CREB5: variants seen among roughly 807,000 people sequenced by gnomAD.
CREB5 encodes cyclic AMP-responsive element-binding protein 5.
CREB5 carries 19 observed loss-of-function variants against 57.1 expected under a neutral mutation model. That is an observed-to-expected ratio of 0.33 (90% CI 0.23 to 0.49). The LOEUF is 0.49. Ranked by LOEUF, CREB5 falls within the 20% of genes least tolerant of loss-of-function variation. The probability of loss-of-function intolerance (pLI) is 0.99; values close to 1 mark genes in which losing one functional copy is unlikely to be tolerated. For synonymous variants in CREB5, 238 were observed against 238.3 expected (o/e 1.00, Z 0.01); for missense variants, 579 against 671.6 (o/e 0.86, Z 1.52).
rs1426861428 is a variant in CREB5 at position 28,526,008 on chromosome 7, G to C, written c.291+18271G>C. 3.9e-5 allele frequency among the ~76,000 whole-genome samples: 6 copies of C among 152,192 alleles called. No individual in the cohort carries two copies. In the South Asian group the frequency reaches 6.2e-4, roughly 16 times the overall value. On this transcript the variant is annotated intron_variant, in intron 4 of 10. Transcript: ENST00000357727. ...GTATATCCAAGAATCAGAGACTGCT[G>C]AGATTTCAGCGCCAAATCTGGGATG...
rs1412335268 is a variant in CREB5, at chr7:28,581,218, C to T, written c.464+10681C>T. ...TTTCCCAATGTGTTTAACCTTCTTG[C>T]ACACAAACTCCAGATTCCAGATTTT... On this transcript the variant is annotated intron_variant, in intron 5 of 10. Coordinates refer to ENST00000357727, the MANE Select transcript of CREB5 (RefSeq NM_182898.4). Among the ~76,000 whole-genome samples the T allele has an allele frequency of 2.6e-5, 4 of 152,208 alleles. 1 individual carries two copies. The South Asian group carries it at 6.2e-4, about 24-fold the overall frequency.
intron 5 of CREB5, among the ~76,000 whole-genome samples, chr7:28,663,163 C>T (rs1035236398): frequency 1.3e-5 from 2 of 150,820 alleles, no homozygotes; most frequent in African/African-American, 4.9e-5. Context: ...AAAGAAAGAT[C>T]GAAATGTTCC....
intron 5 of CREB5, among the ~76,000 whole-genome samples, chr7:28,626,355 T>A (rs983750994): frequency 2.6e-5 from 4 of 152,192 alleles, no homozygotes; most frequent in Non-Finnish European, 4.4e-5. Flanking sequence ...TAATACTCAT[T>A]GACTGCTGGC....
chr7:28,767,650 C>T (rs974384061), intron 7 of CREB5, among the ~76,000 whole-genome samples: 4 of 152,272 alleles, frequency 2.6e-5, no homozygotes, highest in Middle Eastern at 3.4e-3. Context: ...CACTGCAAAT[C>T]GGCACACACC....
chr7:28,412,949 A>G, intron 1 of CREB5, 32 bp downstream of exon 1: 1 of 1,403,630 alleles, frequency 7.1e-7, no homozygotes, highest in Non-Finnish European at 9.4e-7. Context: ...CATATTAAAC[A>G]GAGAGAAAAC....
intron 1 of CREB5, among the ~76,000 whole-genome samples, chr7:28,328,486 T>G (rs1785652139): frequency 6.6e-6 from 1 of 152,200 alleles, no homozygotes; most frequent in African/African-American, 2.4e-5. Flanking sequence ...CTGTGTATTT[T>G]TAAGGTGTGG....
At chr7:28,696,139 C>G (rs577434306) in intron 5 of CREB5, among the ~76,000 whole-genome samples, 3 of 152,200 alleles carry the variant, frequency 2.0e-5, no homozygotes, top group Non-Finnish European at 4.4e-5. Flanking sequence ...ACCCAGGTGC[C>G]GTACCATTCG....
intron 7 of CREB5, among the ~76,000 whole-genome samples, chr7:28,801,951 G>A (rs1244022703): frequency 6.6e-6 from 1 of 151,728 alleles, no homozygotes; most frequent in African/African-American, 2.4e-5. Context: ...TGGGCATGGT[G>A]GCACACGCCT....
chr7:28,618,419 T>C (rs1006501614), intron 5 of CREB5, among the ~76,000 whole-genome samples: 7 of 151,444 alleles, frequency 4.6e-5, no homozygotes, highest in Non-Finnish European at 1.0e-4. Flanking sequence ...GTTTCATCTA[T>C]TTTTTTTTAA....
In CREB5 at chr7:28,619,497, A is replaced by C. The variant is rs182200590; in HGVS notation, c.464+48960A>C. Among the ~76,000 whole-genome samples, 26 of 152,314 alleles carry C rather than the reference A, an allele frequency of 1.7e-4. 2 individuals are homozygous for C. Among genetic ancestry groups the C allele is most frequent in the African/African-American group, 6.3e-4 (26 of 41,574 alleles). On this transcript the variant is annotated intron_variant, in intron 5 of 10. Coordinates refer to ENST00000357727, the MANE Select transcript of CREB5 (RefSeq NM_182898.4). ...CCTGTTTATTTTTCCGTCATTCTAC[A>C]CTGAGACAGGCACCATCCTCTTCAG...
At chr7:28,440,666 T>A (rs1789149061) in intron 1 of CREB5, among the ~76,000 whole-genome samples, 1 of 152,204 alleles carries the variant, frequency 6.6e-6, no homozygotes, top group Non-Finnish European at 1.5e-5. Flanking sequence ...TAGGCCTTCA[T>A]ATGATGGGGC....
chr7:28,385,649 C>T (rs1414208680), intron 1 of CREB5, among the ~76,000 whole-genome samples: 2 of 151,172 alleles, frequency 1.3e-5, no homozygotes, highest in Non-Finnish European at 2.9e-5. Flanking sequence ...TACACTCCAG[C>T]CTGTGTGACA....
intron 1 of CREB5, among the ~76,000 whole-genome samples, chr7:28,353,715 C>A (rs903906199): frequency 6.6e-6 from 1 of 151,724 alleles, no homozygotes; most frequent in African/African-American, 2.4e-5. Context: ...TGGTGGCAGG[C>A]GCCTGTAGTC....
intron 5 of CREB5, among the ~76,000 whole-genome samples, chr7:28,587,400 A>G (rs916630131): frequency 6.6e-6 from 1 of 152,078 alleles, no homozygotes; most frequent in Non-Finnish European, 1.5e-5. Context: ...GCTCAGCCTC[A>G]CCTCACCATT....
intron 5 of CREB5, among the ~76,000 whole-genome samples, chr7:28,714,513 G>C (rs1583598902): frequency 6.6e-6 from 1 of 152,288 alleles, no homozygotes; most frequent in Non-Finnish European, 1.5e-5. Flanking sequence ...CTGAGGATAG[G>C]CTTGCCCAAG....
chr7:28,819,306 G>T lies in CREB5; in HGVS notation c.*27G>T. ...ATGCACCATCAGACCTGGCCTCCAA[G>T]AAGAGCTGTAGCGTACCATGCGTCC... is the stretch of plus-strand genomic sequence containing the variant. On this transcript the variant is annotated 3_prime_UTR_variant, in exon 11 of 11. Coordinates refer to ENST00000357727, the MANE Select transcript of CREB5 (RefSeq NM_182898.4). 6.2e-7 allele frequency: 1 copy of T among 1,607,952 alleles called. No individual in the cohort carries two copies. Among genetic ancestry groups the T allele is most frequent in the Non-Finnish European group, 8.5e-7 (1 of 1,176,982 alleles).
At chr7:28,537,090 T>C (rs1793991635) in intron 4 of CREB5, among the ~76,000 whole-genome samples, 1 of 152,236 alleles carries the variant, frequency 6.6e-6, no homozygotes, top group African/African-American at 2.4e-5. Flanking sequence ...ATTGGCTCCA[T>C]TTTTAAGGTA....
At chr7:28,608,818 G>C (rs1310528198) in intron 5 of CREB5, among the ~76,000 whole-genome samples, 1 of 152,190 alleles carries the variant, frequency 6.6e-6, no homozygotes, top group Non-Finnish European at 1.5e-5. Flanking sequence ...GGGACTGTTG[G>C]TTTTGTGTAA....
chr7:28,766,377 G>A (rs1194414769), intron 7 of CREB5, among the ~76,000 whole-genome samples: 1 of 152,170 alleles, frequency 6.6e-6, no homozygotes, highest in Non-Finnish European at 1.5e-5. Context: ...GCCCTTGGGT[G>A]TAAACTCAGT....
Sources: gnomAD v4.1 joint callset for allele counts (sites outside exome capture counted in the v4.1 genomes callset) on GRCh38, gnomAD v4.1.1 for gene constraint, MANE v1.5 for transcripts, NCBI Gene and HGNC (gene_info 2026-07-23, HGNC 2026-07-21) for gene names.